CRACD: variants seen among roughly 807,000 people sequenced by gnomAD.
CRACD encodes the protein capping protein-inhibiting regulator of actin dynamics.
A neutral mutation model predicts 106.8 loss-of-function variants in CRACD; 56 were observed. That is an observed-to-expected ratio of 0.52 (90% CI 0.42 to 0.66). The LOEUF is 0.66. Among genes scored for constraint, CRACD ranks in the 30% least tolerant of loss-of-function variants. The pLI is 0.00. For synonymous variants in CRACD, 754 were observed against 670.8 expected, an observed-to-expected ratio of 1.12 and a Z score of -1.92; for missense variants, 1,730 against 1,623.2, an observed-to-expected ratio of 1.07 and a Z score of -1.13.
intron 2 of CRACD, among the ~76,000 whole-genome samples, chr4:56,248,709 A>G (rs904758111): frequency 7.1e-6 from 1 of 140,230 alleles, no homozygotes; most frequent in Admixed American, 7.1e-5. Flanking sequence ...ATATCTCCCA[A>G]AGCTATCCCT....
At chr4:56,067,256 G>A (rs1159910544) in intron 1 of CRACD, among the ~76,000 whole-genome samples, 26 of 152,280 alleles carry the variant, frequency 1.7e-4, no homozygotes, top group Admixed American at 1.3e-3. Flanking sequence ...AGAAGAAGGA[G>A]AAGAGGATTT....
At chr4:56,167,215 G>T (rs1307536296) in intron 1 of CRACD, among the ~76,000 whole-genome samples, 1 of 151,860 alleles carries the variant, frequency 6.6e-6, no homozygotes, top group African/African-American at 2.4e-5. Flanking sequence ...TTTCAAAAAA[G>T]CTGTGTTATA....
intron 2 of CRACD, among the ~76,000 whole-genome samples, chr4:56,232,827 AG>A (rs1459695572): frequency 6.6e-6 from 1 of 151,400 alleles, no homozygotes; most frequent in Non-Finnish European, 1.5e-5. Flanking sequence ...TGGGTTCAAG[AG>A]ATTCTCCTGC....
At chr4:56,090,858 C>G (rs1489347720) in intron 1 of CRACD, among the ~76,000 whole-genome samples, 1 of 152,144 alleles carries the variant, frequency 6.6e-6, no homozygotes, top group Non-Finnish European at 1.5e-5. Flanking sequence ...GGACGTGACT[C>G]TGTTACGCAG....
intron 1 of CRACD, among the ~76,000 whole-genome samples, chr4:56,141,538 A>G (rs940641580): frequency 3.9e-5 from 6 of 152,048 alleles, no homozygotes; most frequent in Non-Finnish European, 7.4e-5. Flanking sequence ...TCGAGCCTGC[A>G]GTGAGCTGTG....
intron 2 of CRACD, among the ~76,000 whole-genome samples, chr4:56,237,926 A>C (rs1412722435): frequency 6.8e-6 from 1 of 147,098 alleles, no homozygotes; most frequent in African/African-American, 2.4e-5. Context: ...TATAACATGA[A>C]AATATATGTG....
At chr4:56,250,597 T>G (rs945999289) in intron 2 of CRACD, among the ~76,000 whole-genome samples, 1 of 152,178 alleles carries the variant, frequency 6.6e-6, no homozygotes, top group African/African-American at 2.4e-5. Flanking sequence ...AAGACACACT[T>G]TTGAAATGCA....
intron 2 of CRACD, among the ~76,000 whole-genome samples, chr4:56,269,210 C>T (rs1431220133): frequency 6.6e-6 from 1 of 151,968 alleles, no homozygotes; most frequent in African/African-American, 2.4e-5. Context: ...CAGTGATACC[C>T]CGTCTCTACT....
chr4:56,269,407 T>C (rs1742216738), intron 2 of CRACD, among the ~76,000 whole-genome samples: 1 of 151,554 alleles, frequency 6.6e-6, no homozygotes, highest in Non-Finnish European at 1.5e-5. Context: ...AAAAATTTAA[T>C]TGGTCCACAG....
intron 2 of CRACD, among the ~76,000 whole-genome samples, chr4:56,188,635 C>CTCTG (rs1398996089): frequency 2.0e-5 from 3 of 146,724 alleles, no homozygotes; most frequent in Non-Finnish European, 4.5e-5. Context: ...CTCTCTCTCT[C>CTCTG]TCTCTCTCTC....
At chr4:56,293,326 C>G (rs1577868832) in intron 3 of CRACD, among the ~76,000 whole-genome samples, 1 of 152,130 alleles carries the variant, frequency 6.6e-6, no homozygotes, top group South Asian at 2.1e-4. Context: ...TGAAAGACAT[C>G]AAGCTACAGA....
At chr4:56,064,042 A>G (rs1244464520) in intron 1 of CRACD, among the ~76,000 whole-genome samples, 1 of 152,148 alleles carries the variant, frequency 6.6e-6, no homozygotes, top group Non-Finnish European at 1.5e-5. Flanking sequence ...TAGCCATCCT[A>G]ATGGATGTGA....
Position 56,313,232 on chromosome 4 carries a change from C to T in CRACD, c.390C>T (p.His130=). 1 of 1,614,196 alleles carries T rather than the reference C, an allele frequency of 6.2e-7. No individual in the cohort carries two copies. The highest frequency in any genetic ancestry group is 1.6e-4 in the Middle Eastern group (1 of 6,062). ...APVKPSRPKR[H]FSSAGTIESV... ...TTAAACCGTCTCGGCCAAAAAGGCA[C>T]TTCTCTTCTGCTGGCACCATCGAAA... The change falls in exon 7 of 11, where the codon CAC becomes CAT. Residue 130 remains histidine (H), a synonymous_variant. Transcript: ENST00000682029.
At chr4:56,210,164 C>A (rs965528848) in intron 2 of CRACD, among the ~76,000 whole-genome samples, 4 of 152,138 alleles carry the variant, frequency 2.6e-5, no homozygotes, top group Non-Finnish European at 5.9e-5. Context: ...AGATCACAGT[C>A]AAATCAAGCA....
Position 56,074,463 on chromosome 4 carries a change from T to A in CRACD, c.-336+25164T>A, listed in dbSNP as rs182423345. Among the ~76,000 whole-genome samples, 4 of 152,324 alleles carry A rather than the reference T, an allele frequency of 2.6e-5. No individual in the cohort carries two copies. In the East Asian group the frequency reaches 7.7e-4, roughly 29 times the overall value. On this transcript the variant is annotated intron_variant, in intron 1 of 10. Coordinates refer to ENST00000682029, the MANE Select transcript of CRACD (RefSeq NM_001393381.1). ...CTTTGTAGCAGTTGTGAATGGGAGT[T>A]CACTCATAATTTGGCTCTCTGTTTA...
At chr4:56,083,714 C>T (rs1337989715) in intron 1 of CRACD, among the ~76,000 whole-genome samples, 1 of 152,004 alleles carries the variant, frequency 6.6e-6, no homozygotes, top group African/African-American at 2.4e-5. Context: ...GTGGCTCATA[C>T]CTAGAATCCC....
intron 2 of CRACD, among the ~76,000 whole-genome samples, chr4:56,203,896 A>C (rs1397656980): frequency 6.6e-6 from 1 of 152,140 alleles, no homozygotes; most frequent in Non-Finnish European, 1.5e-5. Context: ...CTGCCTCCAT[A>C]CAAGGCCACT....
At chr4:56,270,507 A>C (rs1160001986) in intron 2 of CRACD, among the ~76,000 whole-genome samples, 1 of 152,172 alleles carries the variant, frequency 6.6e-6, no homozygotes, top group Non-Finnish European at 1.5e-5. Context: ...TCTGATAGTC[A>C]GCTGGGTGGA....
At chr4:56,202,467 G>C (rs759073354) in intron 2 of CRACD, among the ~76,000 whole-genome samples, 1 of 152,084 alleles carries the variant, frequency 6.6e-6, no homozygotes, top group African/African-American at 2.4e-5. Context: ...GGCTGGTCTC[G>C]AACACCTCAC....
Sources: allele counts gnomAD v4.1 joint callset (sites outside exome capture counted in the v4.1 genomes callset), GRCh38; gene constraint gnomAD v4.1.1; transcripts MANE v1.5; gene names NCBI Gene and HGNC (gene_info 2026-07-23, HGNC 2026-07-21).